MTMR7: variants seen among roughly 807,000 people sequenced by gnomAD.
MTMR7 encodes phosphatidylinositol-3-phosphate phosphatase MTMR7.
A neutral mutation model predicts 81.2 loss-of-function variants in MTMR7; 76 were observed. The ratio of observed to expected loss-of-function variants is 0.94; its 90% CI spans 0.78 to 1.13. The LOEUF is 1.13. MTMR7 is among the 50% of genes most tolerant of loss of function. The probability of loss-of-function intolerance (pLI) is 0.00; values close to 1 mark genes in which losing one functional copy is unlikely to be tolerated. For missense variants in MTMR7, 1,044 were observed against 820.0 expected (o/e 1.27, Z -3.34); for synonymous variants, 372 against 289.8 (o/e 1.28, Z -2.88).
intron 13 of MTMR7, among the ~76,000 whole-genome samples, chr8:17,300,511 T>C (rs1031167700): frequency 2.6e-5 from 4 of 152,182 alleles, no homozygotes; most frequent in African/African-American, 9.7e-5. Context: ...CTCTTTTCTA[T>C]ACCTACATGG....
intron 7 of MTMR7, among the ~76,000 whole-genome samples, chr8:17,316,456 C>G (rs1421440052): frequency 8.2e-6 from 1 of 122,348 alleles, no homozygotes; most frequent in African/African-American, 3.5e-5. Context: ...TATTTACAAA[C>G]AGTACAGTAA....
chr8:17,374,007 T>C (rs975036742), intron 1 of MTMR7, among the ~76,000 whole-genome samples: 1 of 152,192 alleles, frequency 6.6e-6, no homozygotes, highest in African/African-American at 2.4e-5. Flanking sequence ...GTAATTCTAG[T>C]AAGACACAGC....
chr8:17,405,387 G>A (rs947764413), intron 1 of MTMR7, among the ~76,000 whole-genome samples: 8 of 152,042 alleles, frequency 5.3e-5, no homozygotes, highest in Admixed American at 2.6e-4. Flanking sequence ...GACTCTCCAC[G>A]CTCCCCCTCC....
rs1019537380 is a variant in MTMR7, at chr8:17,299,017, A to G, written c.*845T>C. 9.8e-5 allele frequency: 15 copies of G among 152,330 alleles called. No individual in the cohort carries two copies. The highest frequency in any genetic ancestry group is 3.6e-4 in the African/African-American group (15 of 41,580). The allele number at this position is 152,330 out of a possible 1,614,324, so 9.4% of individuals were successfully genotyped here. A position where few individuals can be genotyped will look rare whatever the true frequency, so the allele number is the denominator to read the frequency against. On this transcript the variant is annotated 3_prime_UTR_variant, in exon 14 of 14. Coordinates refer to ENST00000180173, the MANE Select transcript of MTMR7 (RefSeq NM_004686.5). ...CACAGATGTTTTATCTACTAACTTT[A>G]TAATGTGATACTTTGAGATCAGGCT... is the stretch of plus-strand genomic sequence containing the variant.
At chr8:17,302,937 C>CT (rs1213471941) in intron 12 of MTMR7, among the ~76,000 whole-genome samples, 1 of 151,952 alleles carries the variant, frequency 6.6e-6, no homozygotes, top group Non-Finnish European at 1.5e-5. Context: ...TCATGAACTC[C>CT]TGACCTCAGG....
At chr8:17,348,598 C>T (rs1229423735) in intron 5 of MTMR7, among the ~76,000 whole-genome samples, 2 of 146,470 alleles carry the variant, frequency 1.4e-5, no homozygotes, top group East Asian at 4.4e-4. Context: ...GGGCCATGGA[C>T]TTCGGGGGCT....
intron 3 of MTMR7, among the ~76,000 whole-genome samples, chr8:17,364,855 T>C (rs963741078): frequency 3.9e-5 from 6 of 152,232 alleles, no homozygotes; most frequent in African/African-American, 1.4e-4. Flanking sequence ...GTGGCTACTG[T>C]GAATAGTGCT....
chr8:17,300,856 G>T (rs1320654764), intron 13 of MTMR7, among the ~76,000 whole-genome samples: 1 of 152,158 alleles, frequency 6.6e-6, no homozygotes, highest in Non-Finnish European at 1.5e-5. Context: ...TATATAAATT[G>T]AATGGAATCA....
rs548194471 is a variant in MTMR7 at position 17,396,418 on chromosome 8, A to C, written c.24+16851T>G. Among the ~76,000 whole-genome samples, 6 of 152,322 alleles carry C rather than the reference A, an allele frequency of 3.9e-5. No homozygotes were observed. In the East Asian group the frequency reaches 1.2e-3, roughly 29 times the overall value. ...ACAGATTCTTTCTCCTACGTGGAAAAAGAATCTGTGCACTTGCGGGAAGGA... is the reference window on the plus strand; with the variant it reads ...ACAGATTCTTTCTCCTACGTGGAAACAGAATCTGTGCACTTGCGGGAAGGA... On this transcript the variant is annotated intron_variant, in intron 1 of 13. Transcript: ENST00000180173.
At chr8:17,325,021 C>A (rs972561971) in intron 7 of MTMR7, among the ~76,000 whole-genome samples, 3 of 152,100 alleles carry the variant, frequency 2.0e-5, no homozygotes, top group African/African-American at 7.2e-5. Flanking sequence ...GCAATATCTA[C>A]AAAGGGCTGA....
rs144586473 is a variant in MTMR7 at position 17,331,502 on chromosome 8, A to G, written c.733-220T>C. On this transcript the variant is annotated intron_variant, in intron 6 of 13. Transcript: ENST00000180173. ...GCATGAATTTGTCAGTGTGGGTCAC[A>G]TTTTCTTAGCTGGAAAGCAGTCTAC... is the stretch of plus-strand genomic sequence containing the variant. Among the ~76,000 whole-genome samples, 109 of 152,296 alleles carry G rather than the reference A, an allele frequency of 7.2e-4. 1 individual carries two copies. The highest frequency in any genetic ancestry group is 2.1e-3 in the African/African-American group (87 of 41,556).
At chr8:17,304,159 C>T (rs953127097) in intron 12 of MTMR7, among the ~76,000 whole-genome samples, 4 of 152,100 alleles carry the variant, frequency 2.6e-5, no homozygotes, top group Non-Finnish European at 5.9e-5. Context: ...TATTATAAAA[C>T]ATCACCTCCT....
intron 1 of MTMR7, among the ~76,000 whole-genome samples, chr8:17,387,248 C>G (rs1228142781): frequency 6.6e-6 from 1 of 152,194 alleles, no homozygotes; most frequent in African/African-American, 2.4e-5. Context: ...GTTTCTTCCT[C>G]TACCAATATC....
At chr8:17,366,407 T>A (rs4431626) in intron 3 of MTMR7, among the ~76,000 whole-genome samples, 14,622 of 152,040 alleles carry the variant, frequency 0.096, 985 homozygotes, top group Non-Finnish European at 0.15. Flanking sequence ...TCAAAAGTAT[T>A]TTAAAAATGA....
At chr8:17,368,892 T>A (rs1255583509) in intron 3 of MTMR7, among the ~76,000 whole-genome samples, 1 of 152,228 alleles carries the variant, frequency 6.6e-6, no homozygotes, top group South Asian at 2.1e-4. Flanking sequence ...CTACATCTAA[T>A]ACCTAACTCC....
At chr8:17,412,939 G>A (rs964385658) in intron 1 of MTMR7, among the ~76,000 whole-genome samples, 2 of 146,974 alleles carry the variant, frequency 1.4e-5, no homozygotes, top group African/African-American at 5.1e-5. Context: ...AAAAGAGAAA[G>A]CCTCGTGCCA....
intron 13 of MTMR7, among the ~76,000 whole-genome samples, chr8:17,301,228 G>A (rs554386943): frequency 6.6e-6 from 1 of 152,346 alleles, no homozygotes; most frequent in Non-Finnish European, 1.5e-5. Flanking sequence ...TAGTGGAGCA[G>A]AGAGAGGCAG....
intron 4 of MTMR7, among the ~76,000 whole-genome samples, chr8:17,350,488 A>G (rs1465017888): frequency 6.6e-6 from 1 of 152,140 alleles, no homozygotes; most frequent in Non-Finnish European, 1.5e-5. Flanking sequence ...TGAGAACACC[A>G]TGGGAAAGAC....
chr8:17,337,443 C>G (rs567720581), intron 6 of MTMR7, among the ~76,000 whole-genome samples: 3 of 150,738 alleles, frequency 2.0e-5, no homozygotes, highest in African/African-American at 7.3e-5. Flanking sequence ...AAGTCATGAA[C>G]AAGGCTGCAG....
Sources: allele counts gnomAD v4.1 joint callset (sites outside exome capture counted in the v4.1 genomes callset), GRCh38; gene constraint gnomAD v4.1.1; transcripts MANE v1.5; gene names NCBI Gene and HGNC (gene_info 2026-07-23, HGNC 2026-07-21).